Variants in SYT12 observed in about 807,000 individuals in gnomAD.
SYT12 encodes the protein synaptotagmin 12.
A neutral mutation model predicts 39.5 loss-of-function variants in SYT12; 27 were observed. The observed-to-expected ratio is 0.68, with a 90% CI of 0.50 to 0.94. The LOEUF (loss-of-function observed/expected upper bound fraction) is 0.94. Among genes scored for constraint, SYT12 ranks in the 40% least tolerant of loss-of-function variants. The probability of loss-of-function intolerance (pLI) is 0.00; values close to 1 mark genes in which losing one functional copy is unlikely to be tolerated. For synonymous variants in SYT12, 233 were observed against 239.7 expected (o/e 0.97, Z 0.26); for missense variants, 536 against 572.6 (o/e 0.94, Z 0.65).
At chr11:67,007,608 G>A (rs147018354) in intron 1 of SYT12, among the ~76,000 whole-genome samples, 4 of 152,106 alleles carry the variant, frequency 2.6e-5, no homozygotes, top group African/African-American at 4.8e-5. Context: ...GTTGTTGCCC[G>A]GGCTGGAGTG....
chr11:67,024,820 A>G (rs1445500687), intron 1 of SYT12, among the ~76,000 whole-genome samples: 1 of 152,210 alleles, frequency 6.6e-6, no homozygotes, highest in African/African-American at 2.4e-5. Context: ...TCCTGGGCCC[A>G]ACTCCCGACC....
At chr11:67,047,819 G>A (rs1242854292) in intron 7 of SYT12, among the ~76,000 whole-genome samples, 4 of 111,228 alleles carry the variant, frequency 3.6e-5, no homozygotes, top group African/African-American at 1.4e-4. Context: ...ACGGAGTCTC[G>A]CTCTTTCGCC....
rs546094354 is a variant in SYT12, at chr11:67,045,545, C to T, written c.959-199C>T. 9 of 737,116 alleles carry T rather than the reference C, an allele frequency of 1.2e-5. No individual in the cohort carries two copies. In the East Asian group the frequency reaches 2.6e-4, roughly 21 times the overall value. The allele number at this position is 737,116 out of a possible 1,614,324, so 45.7% of individuals were successfully genotyped here. A position where few individuals can be genotyped will look rare whatever the true frequency, so the allele number is the denominator to read the frequency against. ...CAGCTGCCTGAGCACAAAGCCCAGC[C>T]CTCACCTGACGTGCTGTGTGAGCCT... is the stretch of plus-strand genomic sequence containing the variant. On this transcript the variant is annotated intron_variant, in intron 6 of 7. Transcript: ENST00000527043.
Position 67,048,713 on chromosome 11 carries a change from C to T in SYT12, c.1222C>T (p.Leu408=), listed in dbSNP as rs1854654075. ...TTHWNQMLAT[L]RRPVSMWHAV... ...ACATTGGAACCAGATGTTGGCCACGCTGCGCAGGCCCGTGTCCATGTGGCA... is the reference window on the plus strand; with the variant it reads ...ACATTGGAACCAGATGTTGGCCACGTTGCGCAGGCCCGTGTCCATGTGGCA... Residue 408 remains leucine (L), a synonymous_variant, in exon 8 of 8, where the codon CTG becomes TTG. Coordinates refer to ENST00000527043, the MANE Select transcript of SYT12 (RefSeq NM_177963.4). 1 of 1,608,048 alleles carries T rather than the reference C, an allele frequency of 6.2e-7. No homozygotes were observed. Among genetic ancestry groups the T allele is most frequent in the South Asian group, 1.1e-5 (1 of 90,976 alleles).
intron 1 of SYT12, among the ~76,000 whole-genome samples, chr11:67,024,739 G>A (rs1157436576): frequency 2.6e-5 from 4 of 152,194 alleles, no homozygotes; most frequent in Non-Finnish European, 5.9e-5. Context: ...CTCAGAAAGC[G>A]GAGGAGGGGT....
intron 3 of SYT12, among the ~76,000 whole-genome samples, chr11:67,013,659 A>C (rs1950030900): frequency 6.6e-6 from 1 of 152,132 alleles, no homozygotes; most frequent in Admixed American, 6.5e-5. Context: ...GTGTCTTCTC[A>C]GGAGGTTACA....
intron 1 of SYT12, chr11:67,028,121 G>C (rs922986513): frequency 6.6e-6 from 1 of 152,180 alleles, no homozygotes; most frequent in Non-Finnish European, 1.5e-5. Flanking sequence ...GGCAAATTAC[G>C]CCCTGGGACT....
Position 67,049,332 on chromosome 11 carries a change from C to G in SYT12, c.*575C>G, listed in dbSNP as rs1192765012. 6.6e-6 allele frequency: 1 copy of G among 152,470 alleles called. No homozygotes were observed. The highest frequency in any genetic ancestry group is 1.5e-5 in the Non-Finnish European group (1 of 68,292). 9.4% of individuals were successfully genotyped at this position (152,470 alleles called of 1,614,324 possible). A position where few individuals can be genotyped will look rare whatever the true frequency, so the allele number is the denominator to read the frequency against. ...CTGAGCAATGGCAGGATGTGAACTT[C>G]CCCATCGCAAATGCAGTTCTCAGCC... On this transcript the variant is annotated 3_prime_UTR_variant, in exon 8 of 8. Coordinates refer to ENST00000527043, the MANE Select transcript of SYT12 (RefSeq NM_177963.4).
At chr11:67,033,871 G>C (rs143500274) in intron 2 of SYT12, among the ~76,000 whole-genome samples, 1 of 152,108 alleles carries the variant, frequency 6.6e-6, no homozygotes, top group Non-Finnish European at 1.5e-5. Flanking sequence ...GGGAGGACTC[G>C]CCTGCCACAG....
At chr11:67,043,307 C>A (rs1950549115) in intron 4 of SYT12, among the ~76,000 whole-genome samples, 1 of 152,230 alleles carries the variant, frequency 6.6e-6, no homozygotes, top group Non-Finnish European at 1.5e-5. Context: ...TGGCCTAGGG[C>A]TAGACTCGAA....
At chr11:67,035,791 TTCC>T (rs1410218717) in intron 3 of SYT12, among the ~76,000 whole-genome samples, 17 of 19,316 alleles carry the variant, frequency 8.8e-4, no homozygotes, top group Admixed American at 8.7e-3. Flanking sequence ...TTTCTTTTCT[TTCC>T]TTCCTTCCTT....
At position 67,045,731 on chromosome 11, in the gene SYT12, C is replaced by T. The variant is rs753714436; in HGVS notation, c.959-13C>T. 8.4e-5 allele frequency: 136 copies of T among 1,612,546 alleles called. No individual in the cohort carries two copies. Among genetic ancestry groups the T allele is most frequent in the Non-Finnish European group, 1.0e-4 (119 of 1,179,412 alleles). Reference sequence around the variant, plus strand: ...AGTGTGACACTGGCCCTCACCTGTCCGCCTGCCCACAGACCCCTTCGTCAA... The same window carrying T: ...AGTGTGACACTGGCCCTCACCTGTCTGCCTGCCCACAGACCCCTTCGTCAA... On this transcript the variant is annotated splice_polypyrimidine_tract_variant and intron_variant, in intron 6 of 7. Coordinates refer to ENST00000527043, the MANE Select transcript of SYT12 (RefSeq NM_177963.4).
At chr11:67,035,331 CTT>C (rs778976882) in intron 3 of SYT12, among the ~76,000 whole-genome samples, 3 of 136,466 alleles carry the variant, frequency 2.2e-5, no homozygotes, top group Non-Finnish European at 3.2e-5. Context: ...TTCTTTCTTT[CTT>C]TTTTTTTTTT....
At chr11:67,021,220 G>A (rs1200266341), upstream of SYT12, among the ~76,000 whole-genome samples, 1 of 152,144 alleles carries the variant, frequency 6.6e-6, no homozygotes, top group East Asian at 1.9e-4. Context: ...GATCATTGAA[G>A]GGTGTTCAAC....
intron 2 of SYT12, chr11:67,032,905 CAAA>C (rs562451881): frequency 6.0e-5 from 4 of 67,166 alleles, no homozygotes; most frequent in East Asian, 4.2e-4. Context: ...AACTCCATCT[CAAA>C]AAAAAAAAAA....
Position 67,043,771 on chromosome 11 carries a change from G to A in SYT12, c.755G>A (p.Gly252Glu). 6.2e-7 allele frequency: 1 copy of A among 1,614,152 alleles called. No homozygotes were observed. The highest frequency in any genetic ancestry group is 1.6e-4 in the Middle Eastern group (1 of 6,062). Reference protein sequence around the residue: ...IDEDERNVSTGVVELKLSVLD... With the variant: ...IDEDERNVSTEVVELKLSVLD... ...GAGGATGAGCGCAACGTCAGCACGG[G>A]GGTGGTGGAGCTGAAGCTTTCTGTG... The change falls in exon 5 of 8, where the codon GGG becomes GAG. Residue 252 changes from glycine to glutamate, a missense_variant. Gly to Glu is a moderately conservative substitution (Grantham distance 98, BLOSUM62 -2). Coordinates refer to ENST00000527043, the MANE Select transcript of SYT12 (RefSeq NM_177963.4).
At chr11:67,019,461 A>C (rs1950086413), upstream of SYT12, among the ~76,000 whole-genome samples, 1 of 150,856 alleles carries the variant, frequency 6.6e-6, no homozygotes, top group African/African-American at 2.4e-5. Context: ...AACAAGAGCG[A>C]AACTCCACCT....
At chr11:67,008,468 A>C (rs1388989218) in intron 1 of SYT12, among the ~76,000 whole-genome samples, 1 of 151,764 alleles carries the variant, frequency 6.6e-6, no homozygotes, top group Non-Finnish European at 1.5e-5. Context: ...AGCTCTTTGC[A>C]GCCTCAACCT....
In SYT12 at chr11:67,044,714, G is replaced by C. The variant is rs747690753; in HGVS notation, c.958+1G>C. 4 of 1,613,574 alleles carry C rather than the reference G, an allele frequency of 2.5e-6. No individual in the cohort carries two copies. Among genetic ancestry groups the C allele is most frequent in the Non-Finnish European group, 3.4e-6 (4 of 1,179,920 alleles). ...TGGACCAACGACAAGACCACAGCGG[G>C]TAAGGCCCAGCCGGCAGCCCGGCTC... On this transcript the variant is annotated splice_donor_variant, in intron 6 of 7. Coordinates refer to ENST00000527043, the MANE Select transcript of SYT12 (RefSeq NM_177963.4). LOFTEE classifies it high-confidence loss of function.
Sources: gnomAD v4.1 joint callset for allele counts (sites outside exome capture counted in the v4.1 genomes callset) on GRCh38, gnomAD v4.1.1 for gene constraint, MANE v1.5 for transcripts, NCBI Gene and HGNC (gene_info 2026-07-23, HGNC 2026-07-21) for gene names.